The following CDH9 variants were observed in gnomAD, a reference collection of about 807,000 sequenced individuals.
CDH9 encodes cadherin-9.
Under a neutral mutation model 70.9 loss-of-function variants are expected in CDH9, and 28 were observed. The observed-to-expected ratio is 0.40, with a 90% CI of 0.29 to 0.54. The LOEUF is 0.54. Among genes scored for constraint, CDH9 ranks in the 20% least tolerant of loss-of-function variants. The probability of loss-of-function intolerance (pLI) is 0.59; values close to 1 mark genes in which losing one functional copy is unlikely to be tolerated. For missense variants in CDH9, 874 were observed against 984.4 expected (o/e 0.89, Z 1.50); for synonymous variants, 409 against 343.1 (o/e 1.19, Z -2.12).
At position 27,020,319 on chromosome 5, in the gene CDH9, C is replaced by G. The variant is rs143464769; in HGVS notation, c.-50+18144G>C. ...ATGAAAATATACCTCTGCATTTATA[C>G]TTTTAGATGTGTAAAATAATTACTT... On this transcript the variant is annotated intron_variant, in intron 1 of 11. Coordinates refer to ENST00000231021, the MANE Select transcript of CDH9 (RefSeq NM_016279.4). 9.2e-3 allele frequency among the ~76,000 whole-genome samples: 1,393 copies of G among 151,640 alleles called. 29 individuals carry two copies. The highest frequency in any genetic ancestry group is 0.032 in the African/African-American group (1,316 of 41,494).
At position 26,994,722 on chromosome 5, in the gene CDH9, G is replaced by A. The variant is rs554565868; in HGVS notation, c.-49-6340C>T. On this transcript the variant is annotated intron_variant, in intron 1 of 11. Coordinates refer to ENST00000231021, the MANE Select transcript of CDH9 (RefSeq NM_016279.4). The stretch of plus-strand genomic sequence containing the variant: ...TCAGAAATAAAAATTTGTTGTTTAA[G>A]CCACACAGTCTATGGTATCTTGATA... Among the ~76,000 whole-genome samples the A allele has an allele frequency of 1.6e-4, 25 of 152,186 alleles. 1 individual carries two copies. In the South Asian group the frequency reaches 5.2e-3, roughly 32 times the overall value.
chr5:27,025,090 G>A (rs1743199620), intron 1 of CDH9, among the ~76,000 whole-genome samples: 1 of 151,912 alleles, frequency 6.6e-6, no homozygotes, highest in South Asian at 2.1e-4. Flanking sequence ...TCCAAATTGG[G>A]TATTATTTAT....
chr5:27,023,550 GTTTA>G lies in CDH9; in HGVS notation c.-50+14909_-50+14912del, dbSNP rs558316206. ...GTAGGCCTGGATTCTACTCTTTTTTGTTTATTTGTTTGTTTGCTGCAGGGTCACT... is the reference window on the plus strand; with the variant it reads ...GTAGGCCTGGATTCTACTCTTTTTTGTTTGTTTGTTTGCTGCAGGGTCACT... On this transcript the variant is annotated intron_variant, in intron 1 of 11. Coordinates refer to ENST00000231021, the MANE Select transcript of CDH9 (RefSeq NM_016279.4). 1.3e-4 allele frequency among the ~76,000 whole-genome samples: 19 copies of G among 151,684 alleles called. No individual in the cohort carries two copies. The South Asian group carries it at 3.1e-3, about 25-fold the overall frequency.
intron 2 of CDH9, among the ~76,000 whole-genome samples, chr5:26,941,829 G>T (rs183985497): frequency 6.6e-6 from 1 of 152,272 alleles, no homozygotes; most frequent in African/African-American, 2.4e-5. Flanking sequence ...CAAAGAATAG[G>T]AATTTATTTC....
intron 2 of CDH9, among the ~76,000 whole-genome samples, chr5:26,955,967 C>T (rs2112054042): frequency 1.3e-5 from 2 of 152,274 alleles, no homozygotes; most frequent in Middle Eastern, 3.4e-3. Flanking sequence ...AAGTGAGTTT[C>T]TTCCAAAACT....
chr5:26,898,359 T>C (rs1374776589), intron 7 of CDH9, among the ~76,000 whole-genome samples: 1 of 152,140 alleles, frequency 6.6e-6, no homozygotes, highest in Admixed American at 6.6e-5. Flanking sequence ...AGAGCCCTTA[T>C]AGCAAAGACA....
At chr5:26,912,508 T>TTA (rs3071196) in intron 3 of CDH9, among the ~76,000 whole-genome samples, 16,806 of 150,242 alleles carry the variant, frequency 0.11, 1,583 homozygotes, top group East Asian at 0.48. Flanking sequence ...ATATATAGTT[T>TTA]TATATATATA....
chr5:26,932,537 T>A (rs922067114), intron 2 of CDH9, among the ~76,000 whole-genome samples: 1 of 152,152 alleles, frequency 6.6e-6, no homozygotes, highest in Non-Finnish European at 1.5e-5. Context: ...CCAATCTTCT[T>A]ATCATTATGT....
intron 1 of CDH9, among the ~76,000 whole-genome samples, chr5:27,028,893 T>G (rs1743264915): frequency 6.6e-6 from 1 of 151,998 alleles, no homozygotes; most frequent in African/African-American, 2.4e-5. Flanking sequence ...GAACAGATCC[T>G]TACTTGACAA....
intron 1 of CDH9, among the ~76,000 whole-genome samples, chr5:27,014,656 G>C (rs1743015785): frequency 6.6e-6 from 1 of 151,502 alleles, no homozygotes; most frequent in Admixed American, 6.6e-5. Context: ...TAAACATATA[G>C]ACATATATAA....
chr5:26,903,432 A>T (rs1740890590), intron 6 of CDH9: 1 of 668,868 alleles, frequency 1.5e-6, no homozygotes, highest in Non-Finnish European at 2.7e-6. Context: ...TTCTAGTTTT[A>T]GCATGAACAA....
intron 2 of CDH9, among the ~76,000 whole-genome samples, chr5:26,987,171 C>A (rs1742503326): frequency 6.9e-6 from 1 of 145,520 alleles, no homozygotes; most frequent in Admixed American, 7.2e-5. Flanking sequence ...AAACAATATG[C>A]AAACCATTAC....
chr5:27,009,336 C>T (rs887981257), intron 1 of CDH9, among the ~76,000 whole-genome samples: 6 of 152,054 alleles, frequency 3.9e-5, no homozygotes, highest in African/African-American at 1.4e-4. Flanking sequence ...ATTGTATCTG[C>T]TCTCCCACAT....
chr5:26,957,718 T>C (rs923267446), intron 2 of CDH9, among the ~76,000 whole-genome samples: 1 of 152,214 alleles, frequency 6.6e-6, no homozygotes, highest in African/African-American at 2.4e-5. Context: ...TTGAATTACA[T>C]GCTATTTTCT....
At chr5:26,912,679 T>C (rs965387295) in intron 3 of CDH9, among the ~76,000 whole-genome samples, 3 of 152,018 alleles carry the variant, frequency 2.0e-5, no homozygotes, top group Admixed American at 6.6e-5. Flanking sequence ...TTAAAAGATT[T>C]CCAGACTAGA....
chr5:26,953,978 A>T (rs940769891), intron 2 of CDH9, among the ~76,000 whole-genome samples: 5 of 152,178 alleles, frequency 3.3e-5, no homozygotes, highest in Non-Finnish European at 5.9e-5. Flanking sequence ...CAAAAAAATA[A>T]ATAAGTGAAT....
chr5:27,033,714 T>G (rs1403640361), intron 1 of CDH9, among the ~76,000 whole-genome samples: 1 of 151,620 alleles, frequency 6.6e-6, no homozygotes, highest in Non-Finnish European at 1.5e-5. Context: ...ATGGGAATAT[T>G]TTTAAACATA....
At chr5:26,934,613 T>G (rs945823545) in intron 2 of CDH9, among the ~76,000 whole-genome samples, 1 of 152,084 alleles carries the variant, frequency 6.6e-6, no homozygotes, top group Non-Finnish European at 1.5e-5. Flanking sequence ...CTTGGTGTAG[T>G]CAAACAAACT....
intron 7 of CDH9, among the ~76,000 whole-genome samples, chr5:26,899,081 C>A (rs1163983010): frequency 6.6e-6 from 1 of 152,160 alleles, no homozygotes; most frequent in Non-Finnish European, 1.5e-5. Context: ...AGCTCATCAT[C>A]ACTGGTGATT....
Sources: gnomAD v4.1 joint callset for allele counts (sites outside exome capture counted in the v4.1 genomes callset) on GRCh38, gnomAD v4.1.1 for gene constraint, MANE v1.5 for transcripts, NCBI Gene and HGNC (gene_info 2026-07-23, HGNC 2026-07-21) for gene names.